Variants in ST8SIA2 observed in about 807,000 individuals in gnomAD.
ST8SIA2 encodes the protein alpha-2,8-sialyltransferase 8B.
In ST8SIA2, 22 loss-of-function variants were observed where a neutral mutation model predicts 37.6. The observed-to-expected ratio is 0.58, with a 90% CI of 0.42 to 0.83. The LOEUF is 0.83. ST8SIA2 is among the 40% of genes least tolerant of loss of function. The probability of loss-of-function intolerance (pLI) is 0.00; values close to 1 mark genes in which losing one functional copy is unlikely to be tolerated. For missense variants in ST8SIA2, 382 were observed against 484.7 expected, an observed-to-expected ratio of 0.79 and a Z score of 1.99; for synonymous variants, 205 against 201.2, an observed-to-expected ratio of 1.02 and a Z score of -0.16.
Position 92,449,891 on chromosome 15 carries a change from G to C in ST8SIA2, c.842+4962G>C, listed in dbSNP as rs118165389. On this transcript the variant is annotated intron_variant, in intron 5 of 5. Transcript: ENST00000268164. ...TTGTTTAAGTTCCCTATAGATTCTG[G>C]ATATTAGACCTTTGTCGGATGCATA... is the stretch of plus-strand genomic sequence containing the variant. Among the ~76,000 whole-genome samples, 898 of 152,222 alleles carry C rather than the reference G, an allele frequency of 5.9e-3. 14 individuals carry two copies. Among genetic ancestry groups the C allele is most frequent in the South Asian group, 0.056 (270 of 4,814 alleles).
intron 1 of ST8SIA2, among the ~76,000 whole-genome samples, chr15:92,416,588 G>A (rs559496041): frequency 5.3e-5 from 8 of 152,142 alleles, no homozygotes; most frequent in Admixed American, 2.0e-4. Context: ...TATGGCCTAA[G>A]GGGTACTTCA....
chr15:92,420,486 A>G (rs1194479581), intron 1 of ST8SIA2, among the ~76,000 whole-genome samples: 2 of 152,166 alleles, frequency 1.3e-5, no homozygotes, highest in Non-Finnish European at 2.9e-5. Flanking sequence ...GAAAGCCCAA[A>G]GTTCTCAGGG....
intron 1 of ST8SIA2, chr15:92,422,097 A>AT (rs1301524111): frequency 6.6e-6 from 1 of 152,188 alleles, no homozygotes; most frequent in Non-Finnish European, 1.5e-5. Flanking sequence ...AGCCTAAAAT[A>AT]TTTACATTTG....
At chr15:92,446,700 T>A (rs1396980081) in intron 5 of ST8SIA2, among the ~76,000 whole-genome samples, 2 of 152,170 alleles carry the variant, frequency 1.3e-5, no homozygotes, top group Non-Finnish European at 2.9e-5. Flanking sequence ...ATCAGGAAAC[T>A]CTTCTCTAGA....
chr15:92,450,083 A>G (rs1382681073), intron 5 of ST8SIA2, among the ~76,000 whole-genome samples: 1 of 152,218 alleles, frequency 6.6e-6, no homozygotes, highest in African/African-American at 2.4e-5. Flanking sequence ...AGCACAGGCA[A>G]TGAAAGAAAA....
Position 92,464,830 on chromosome 15 carries a change from G to A in ST8SIA2, c.*445G>A, listed in dbSNP as rs1352503629. 1.0e-5 allele frequency: 2 copies of A among 198,996 alleles called. No individual in the cohort carries two copies. The highest frequency in any genetic ancestry group is 4.7e-5 in the African/African-American group (2 of 42,458). The allele number at this position is 198,996 out of a possible 1,614,324, so 12.3% of individuals were successfully genotyped here. A position where few individuals can be genotyped will look rare whatever the true frequency, so the allele number is the denominator to read the frequency against. On this transcript the variant is annotated 3_prime_UTR_variant, in exon 6 of 6. Coordinates refer to ENST00000268164, the MANE Select transcript of ST8SIA2 (RefSeq NM_006011.4). ...GATTCGGAGAAAGCTGAGGCCCAGA[G>A]GGGACACTCGACCCAGTCTAAAGTG...
chr15:92,438,497 G>A lies in ST8SIA2; in HGVS notation c.435G>A (p.Arg145=). The change falls in exon 4 of 6, where the codon AGG becomes AGA. Residue 145 remains arginine (R), a synonymous_variant. Transcript: ENST00000268164. ...VSQNLYELLP[R]TSPLKNKHFG... ...AGAACCTCTACGAGCTCCTCCCCAGGACTTCGCCACTGAAGAATAAGCACT... is the reference window on the plus strand; with the variant it reads ...AGAACCTCTACGAGCTCCTCCCCAGAACTTCGCCACTGAAGAATAAGCACT... 6.2e-7 allele frequency: 1 copy of A among 1,614,190 alleles called. No individual in the cohort carries two copies. The highest frequency in any genetic ancestry group is 8.5e-7 in the Non-Finnish European group (1 of 1,180,042).
intron 4 of ST8SIA2, 39 bp from the exon 5 acceptor site, chr15:92,444,597 G>C: frequency 6.2e-7 from 1 of 1,614,084 alleles, no homozygotes; most frequent in Non-Finnish European, 8.5e-7. Flanking sequence ...AGGGGTCTCA[G>C]CTTTCCCAAA....
Position 92,451,115 on chromosome 15 carries a change from C to G in ST8SIA2, c.842+6186C>G, listed in dbSNP as rs186438098. Among the ~76,000 whole-genome samples the G allele has an allele frequency of 2.0e-5, 3 of 152,288 alleles. No homozygotes were observed. In the East Asian group the frequency reaches 5.8e-4, roughly 29 times the overall value. On this transcript the variant is annotated intron_variant, in intron 5 of 5. Coordinates refer to ENST00000268164, the MANE Select transcript of ST8SIA2 (RefSeq NM_006011.4). The stretch of plus-strand genomic sequence containing the variant: ...TTACCTTCATTTTGCAAAAGAGGAA[C>G]TTGATGCTCAGACAAGTTAGGTCAT...
intron 5 of ST8SIA2, among the ~76,000 whole-genome samples, chr15:92,447,539 G>T (rs2049851024): frequency 6.6e-6 from 1 of 152,134 alleles, no homozygotes; most frequent in Non-Finnish European, 1.5e-5. Context: ...CTGACTGAGG[G>T]GCATCAGGAT....
At chr15:92,398,167 G>C (rs1214652510) in intron 1 of ST8SIA2, among the ~76,000 whole-genome samples, 1 of 152,146 alleles carries the variant, frequency 6.6e-6, no homozygotes, top group Non-Finnish European at 1.5e-5. Context: ...AAGAAAGAAA[G>C]AAACTCACTG....
intron 4 of ST8SIA2, among the ~76,000 whole-genome samples, chr15:92,441,598 C>G (rs1419793232): frequency 2.7e-5 from 4 of 149,622 alleles, no homozygotes; most frequent in African/African-American, 9.9e-5. Flanking sequence ...CACACACACA[C>G]ACACACACAC....
At chr15:92,413,964 G>A (rs747888352) in intron 1 of ST8SIA2, among the ~76,000 whole-genome samples, 14 of 152,228 alleles carry the variant, frequency 9.2e-5, no homozygotes, top group Non-Finnish European at 2.1e-4. Flanking sequence ...CTAATAGGCT[G>A]TGACTTTCAT....
chr15:92,397,860 C>T (rs56254310), intron 1 of ST8SIA2, among the ~76,000 whole-genome samples: 12,220 of 152,214 alleles, frequency 0.08, 530 homozygotes, highest in Middle Eastern at 0.12. Flanking sequence ...TGGCCGGGAA[C>T]GGTGGCTCAC....
At chr15:92,401,533 G>A (rs542396978) in intron 1 of ST8SIA2, among the ~76,000 whole-genome samples, 92 of 152,274 alleles carry the variant, frequency 6.0e-4, no homozygotes, top group African/African-American at 2.0e-3. Context: ...CAGCGGCCCC[G>A]ACACGACATG....
chr15:92,409,119 A>G (rs2049531176), intron 1 of ST8SIA2, among the ~76,000 whole-genome samples: 1 of 152,206 alleles, frequency 6.6e-6, no homozygotes, highest in East Asian at 1.9e-4. Context: ...GCAGTTCTAT[A>G]TGGGCTCTGA....
intron 1 of ST8SIA2, among the ~76,000 whole-genome samples, chr15:92,408,575 C>T (rs2049525192): frequency 1.3e-5 from 2 of 152,030 alleles, no homozygotes; most frequent in East Asian, 1.9e-4. Context: ...TCTAGGATCA[C>T]TTACATATTT....
chr15:92,454,317 C>A (rs551087400), intron 5 of ST8SIA2, among the ~76,000 whole-genome samples: 3 of 152,128 alleles, frequency 2.0e-5, no homozygotes, highest in African/African-American at 7.2e-5. Context: ...TTCCAAATCC[C>A]CCCTCTTTGC....
intron 5 of ST8SIA2, among the ~76,000 whole-genome samples, chr15:92,451,651 C>A (rs1459124709): frequency 6.6e-6 from 1 of 152,168 alleles, no homozygotes; most frequent in Non-Finnish European, 1.5e-5. Context: ...GATGGCTTGC[C>A]ACAGGACATG....
Sources: gnomAD v4.1 joint callset for allele counts (sites outside exome capture counted in the v4.1 genomes callset) on GRCh38, gnomAD v4.1.1 for gene constraint, MANE v1.5 for transcripts, NCBI Gene and HGNC (gene_info 2026-07-23, HGNC 2026-07-21) for gene names.